Variants in MEF2D observed in about 807,000 individuals in gnomAD.
The protein encoded by MEF2D is myocyte-specific enhancer factor 2D.
A neutral mutation model predicts 59.3 loss-of-function variants in MEF2D; 10 were observed. The ratio of observed to expected loss-of-function variants is 0.17; its 90% confidence interval spans 0.10 to 0.29. The LOEUF is 0.29. Among genes scored for constraint, MEF2D ranks in the 10% least tolerant of loss-of-function variants. MEF2D has a pLI of 1.00. For missense variants in MEF2D, 508 were observed against 699.4 expected, an observed-to-expected ratio of 0.73 and a Z score of 3.09; for synonymous variants, 305 against 295.0, an observed-to-expected ratio of 1.03 and a Z score of -0.35.
In MEF2D at chr1:156,479,837, C is replaced by T. The variant is rs564907797; in HGVS notation, c.397-41G>A. The T allele has an allele frequency of 1.9e-6, 3 of 1,540,954 alleles. No individual in the cohort carries two copies. The South Asian group carries it at 3.6e-5, about 18-fold the overall frequency. ...GAGGGGCAGGATCAGGCCAGGTTGA[C>T]CCCTTCCATGGAGTCCACTTTTCCT... On this transcript the variant is annotated intron_variant, in intron 4 of 11. Coordinates refer to ENST00000348159, the MANE Select transcript of MEF2D (RefSeq NM_005920.4).
rs1209276012 is a variant in MEF2D, at chr1:156,476,974, T to C, written c.855+38A>G. On this transcript the variant is annotated intron_variant, in intron 7 of 11. Transcript: ENST00000348159. ...TCTTTCCCCTGTCCCTACTCTTCCA[T>C]TCCCCAGCCCCCACCCTTGGCCCAG... The C allele has an allele frequency of 2.5e-6, 4 of 1,610,500 alleles. No homozygotes were observed. In the African/African-American group the frequency reaches 4.0e-5, roughly 16 times the overall value.
intron 1 of MEF2D, among the ~76,000 whole-genome samples, chr1:156,494,399 A>C (rs1184298102): frequency 1.3e-5 from 2 of 152,076 alleles, no homozygotes; most frequent in Admixed American, 1.3e-4. Flanking sequence ...GGGATAAGCA[A>C]GCATGCAGCC....
intron 9 of MEF2D, among the ~76,000 whole-genome samples, chr1:156,474,487 T>C (rs1253249138): frequency 1.3e-5 from 2 of 152,152 alleles, no homozygotes; most frequent in African/African-American, 4.8e-5. Context: ...CTAGTTAAAT[T>C]TGAATTTCAG....
In MEF2D at chr1:156,482,800, C is replaced by T. The variant is rs1296683461; in HGVS notation, c.55-160G>A. Among the ~76,000 whole-genome samples the T allele has an allele frequency of 2.6e-5, 4 of 152,180 alleles. No homozygotes were observed. The East Asian group carries it at 7.7e-4, about 29-fold the overall frequency. On this transcript the variant is annotated intron_variant, in intron 2 of 11. Transcript: ENST00000348159. ...AGGAGTCCCTGGTTTGGGGAAGGAC[C>T]AGGCTAGTGCCTGTAGGCCAACACA...
chr1:156,489,315 T>C (rs546379519), intron 1 of MEF2D, among the ~76,000 whole-genome samples: 166 of 151,328 alleles, frequency 1.1e-3, no homozygotes, highest in Non-Finnish European at 1.7e-3. Flanking sequence ...GACAATCCAA[T>C]CCACCTGTCA....
chr1:156,475,559 C>T (rs746761967), intron 8 of MEF2D, among the ~76,000 whole-genome samples: 59 of 152,238 alleles, frequency 3.9e-4, no homozygotes, highest in Admixed American at 7.2e-4. Flanking sequence ...ATCGTCCATC[C>T]CCTGTCTCTC....
At chr1:156,476,962 C>T in intron 7 of MEF2D, 50 bp downstream of exon 7, 1 of 1,604,244 alleles carries the variant, frequency 6.2e-7, no homozygotes, top group South Asian at 1.1e-5. Flanking sequence ...TTCCCCTGTC[C>T]CTACTCTTCC....
Position 156,480,815 on chromosome 1 carries a change from CAG to C in MEF2D, c.396+17_396+18del, listed in dbSNP as rs1044579676. On this transcript the variant is annotated intron_variant, in intron 4 of 11. Coordinates refer to ENST00000348159, the MANE Select transcript of MEF2D (RefSeq NM_005920.4). ...GGCCGGAAGGGGGGGCCAACAGAGA[CAG>C]AGTGAGTGGGGCTCACCCCATAGCG... is the stretch of plus-strand genomic sequence containing the variant. 33 of 1,593,914 alleles carry C rather than the reference CAG, an allele frequency of 2.1e-5. No individual in the cohort carries two copies. The Admixed American group carries it at 4.4e-4, about 21-fold the overall frequency.
chr1:156,482,007 A>G (rs975922567), intron 3 of MEF2D, among the ~76,000 whole-genome samples: 2 of 152,366 alleles, frequency 1.3e-5, no homozygotes, highest in East Asian at 1.9e-4. Context: ...CGGGCCCACA[A>G]ACAGACAGAG....
intron 6 of MEF2D, among the ~76,000 whole-genome samples, chr1:156,478,179 A>G (rs925706190): frequency 6.6e-6 from 1 of 152,186 alleles, no homozygotes; most frequent in East Asian, 1.9e-4. Context: ...CTTCTCCTTG[A>G]AGAGGGTGAC....
rs1280297333 is a variant in MEF2D, at chr1:156,483,430, C to T, written c.-138G>A. 2 of 824,588 alleles carry T rather than the reference C, an allele frequency of 2.4e-6. No individual in the cohort carries two copies. The highest frequency in any genetic ancestry group is 4.0e-6 in the Non-Finnish European group (2 of 497,640). 51.1% of individuals were successfully genotyped at this position (824,588 alleles called of 1,614,324 possible). ...CTGCAGGATACCTTCTGCACAGCCTCCTGGAAAGGGAGGGTCATGAGAGGT... is the reference window on the plus strand; with the variant it reads ...CTGCAGGATACCTTCTGCACAGCCTTCTGGAAAGGGAGGGTCATGAGAGGT... On this transcript the variant is annotated splice_region_variant and 5_prime_UTR_variant, in exon 2 of 12. Transcript: ENST00000348159.
chr1:156,492,672 G>A (rs1380155038), intron 1 of MEF2D, among the ~76,000 whole-genome samples: 1 of 152,216 alleles, frequency 6.6e-6, no homozygotes, highest in African/African-American at 2.4e-5. Flanking sequence ...CAATGGACAG[G>A]GGCCCTTGGC....
Position 156,468,077 on chromosome 1 carries a change from G to C in MEF2D, c.1470C>G (p.Phe490Leu). 1 of 1,614,060 alleles carries C rather than the reference G, an allele frequency of 6.2e-7. No homozygotes were observed. The highest frequency in any genetic ancestry group is 8.5e-7 in the Non-Finnish European group (1 of 1,179,982). The change falls in exon 11 of 12, where the codon TTC becomes TTG. Residue 490 changes from phenylalanine to leucine, a missense_variant. Transcript: ENST00000348159. This position sits in a 1 kb window ranked among gnomAD's most constrained non-coding sequence, Gnocchi z 4.3. ...GGCGCAGCAGGCCCAGTGTGGGCCC[G>C]AAGTCCCCCCGTCCGTCATCCCGGT... ...TGDRDDGRGD[F>L]GPTLGLLRPA...
chr1:156,476,894 A>G (rs1346287981), intron 7 of MEF2D, 118 bp downstream of exon 7: 3 of 1,222,454 alleles, frequency 2.5e-6, no homozygotes, highest in African/African-American at 3.0e-5. Flanking sequence ...TCCAAGATTT[A>G]TCTTGGGAAG....
chr1:156,494,488 G>A (rs1237850845), intron 1 of MEF2D, among the ~76,000 whole-genome samples: 38 of 152,230 alleles, frequency 2.5e-4, no homozygotes, highest in Non-Finnish European at 2.9e-5. Flanking sequence ...GATGGGGAGG[G>A]GAGGGCTGGG....
Position 156,477,218 on chromosome 1 carries a change from C to A in MEF2D, c.665-16G>T. ...TAGCCATTCCCTGGAGAAGTGACAA[C>A]AAGAGGGTAAAAGGAAAAACATGGG... On this transcript the variant is annotated splice_polypyrimidine_tract_variant and intron_variant, in intron 6 of 11. Transcript: ENST00000348159. 6.3e-7 allele frequency: 1 copy of A among 1,576,406 alleles called. No individual in the cohort carries two copies. The highest frequency in any genetic ancestry group is 1.2e-5 in the South Asian group (1 of 85,208).
In MEF2D at chr1:156,480,887, C is replaced by T. The variant is rs1557886433; in HGVS notation, c.343G>A (p.Asp115Asn). ...TCCTCGCTGGCGCGTCGGTACTTGT[C>T]CTCCAGCAGGGGGCTCTGTTCCAGC... ...DSLEQSPLLE[D>N]KYRRASEELD... is the part of the protein sequence containing the mutation. The change falls in exon 4 of 12, where the codon GAC (aspartate) becomes AAC (asparagine). Residue 115 changes from aspartate (D) to asparagine (N), a missense_variant. Asp to Asn is a conservative substitution (Grantham distance 23). Transcript: ENST00000348159. 1 of 1,609,328 alleles carries T rather than the reference C, an allele frequency of 6.2e-7. No individual in the cohort carries two copies. Among genetic ancestry groups the T allele is most frequent in the Non-Finnish European group, 8.5e-7 (1 of 1,178,076 alleles).
At chr1:156,497,517 T>C (rs61813461) in intron 1 of MEF2D, among the ~76,000 whole-genome samples, 5,089 of 152,270 alleles carry the variant, frequency 0.033, 106 homozygotes, top group Non-Finnish European at 0.048. Flanking sequence ...TACCCACTTA[T>C]AGAACCTGAT....
Position 156,478,789 on chromosome 1 carries a change from C to T in MEF2D, c.664+501G>A, listed in dbSNP as rs1203882897. On this transcript the variant is annotated intron_variant, in intron 6 of 11. Coordinates refer to ENST00000348159, the MANE Select transcript of MEF2D (RefSeq NM_005920.4). ...AGGTGATCCGCCCATCTCAGCCTCC[C>T]AAAGTGCTGGGTTTACAGGCGTGAG... 5.9e-5 allele frequency among the ~76,000 whole-genome samples: 9 copies of T among 152,194 alleles called. No individual in the cohort carries two copies. In the East Asian group the frequency reaches 1.7e-3, roughly 29 times the overall value.
Sources: gnomAD v4.1 joint callset for allele counts (sites outside exome capture counted in the v4.1 genomes callset) on GRCh38, gnomAD v4.1.1 for gene constraint, Gnocchi (gnomAD v3.1) non-coding constraint, MANE v1.5 for transcripts, NCBI Gene and HGNC (gene_info 2026-07-23, HGNC 2026-07-21) for gene names.